Variants in CD163L1 observed in about 807,000 individuals in gnomAD.
CD163L1 encodes the protein CD163 molecule like 1.
A neutral mutation model predicts 165.4 loss-of-function variants in CD163L1; 124 were observed. The observed-to-expected ratio is 0.75, with a 90% CI of 0.65 to 0.87. CD163L1 has a LOEUF of 0.87. Among genes scored for constraint, CD163L1 ranks in the 40% least tolerant of loss-of-function variants. The pLI, the probability that CD163L1 is intolerant of heterozygous loss-of-function variation, is 0.00. For synonymous variants in CD163L1, 585 were observed against 662.2 expected (o/e 0.88, Z 1.79); for missense variants, 1,525 against 1,799.9 (o/e 0.85, Z 2.76).
intron 9 of CD163L1, 75 bp from the exon 10 acceptor site, chr12:7,376,089 AC>A: frequency 7.6e-7 from 1 of 1,317,962 alleles, no homozygotes; most frequent in Non-Finnish European, 1.0e-6. Context: ...TCCATATCTA[AC>A]CCCAGAGCAA....
intron 18 of CD163L1, among the ~76,000 whole-genome samples, chr12:7,364,477 T>C (rs1946971056): frequency 6.6e-6 from 1 of 152,104 alleles, no homozygotes. Context: ...GGCATCCTAG[T>C]TGGAAAGAAA....
chr12:7,421,039 G>GTA (rs202125840), intron 4 of CD163L1, among the ~76,000 whole-genome samples: 7 of 88,186 alleles, frequency 7.9e-5, no homozygotes, highest in African/African-American at 2.0e-4. Flanking sequence ...ATATATACGT[G>GTA]TATATATATG....
the CD163L1 span, among the ~76,000 whole-genome samples, chr12:7,319,219 A>G: frequency 6.6e-6 from 1 of 152,116 alleles, no homozygotes; most frequent in Non-Finnish European, 1.5e-5. Context: ...TGCACAGTTC[A>G]CAATAGGGTT....
chr12:7,392,285 C>T (rs1433750533), intron 8 of CD163L1, among the ~76,000 whole-genome samples: 2 of 152,182 alleles, frequency 1.3e-5, no homozygotes, highest in Non-Finnish European at 2.9e-5. Flanking sequence ...CAAAACCACA[C>T]AACTACATGG....
At position 7,398,549 on chromosome 12, in the gene CD163L1, G is replaced by C. The variant is rs751691944; in HGVS notation, c.1444C>G (p.His482Asp). 2.5e-6 allele frequency: 4 copies of C among 1,603,904 alleles called. No homozygotes were observed. In the South Asian group the frequency reaches 4.5e-5, roughly 18 times the overall value. Reference sequence around the variant, plus strand: ...TCCAATCTCCCATAACAGGGGCTATGAGCCCCGACAAGCCTTAGGTCCAGA... The same window carrying C: ...TCCAATCTCCCATAACAGGGGCTATCAGCCCCGACAAGCCTTAGGTCCAGA... ...ADLDLRLVGA[H>D]SPCYGRLEVK... The change falls in exon 7 of 20, where the codon CAT becomes GAT. Residue 482 changes from histidine (H) to aspartate (D), a missense_variant. Transcript: ENST00000313599. The surrounding 1 kb of genome is among the most constrained non-coding windows in gnomAD (Gnocchi z 4.5).
chr12:7,344,205 C>T (rs748918235), downstream of CD163L1, among the ~76,000 whole-genome samples: 17 of 152,034 alleles, frequency 1.1e-4, no homozygotes, highest in Non-Finnish European at 1.8e-4. Flanking sequence ...CTCAGCCTCC[C>T]TAGGAGCTGG....
the CD163L1 span, among the ~76,000 whole-genome samples, chr12:7,320,149 A>G: frequency 2.6e-5 from 4 of 152,338 alleles, no homozygotes; most frequent in South Asian, 8.3e-4. Context: ...GCTCTAAAAC[A>G]TTAGTATTTC....
At chr12:7,348,700 C>T (rs1320635171) in intron 4 of CD163L1, among the ~76,000 whole-genome samples, 1 of 151,862 alleles carries the variant, frequency 6.6e-6, no homozygotes, top group Non-Finnish European at 1.5e-5. Context: ...AAGTAAAATA[C>T]ATTAAGCACT....
At chr12:7,436,004 A>G (rs982576526) in intron 2 of CD163L1, among the ~76,000 whole-genome samples, 1 of 152,208 alleles carries the variant, frequency 6.6e-6, no homozygotes, top group Non-Finnish European at 1.5e-5. Flanking sequence ...ACAATACATT[A>G]TTTCTGCATC....
chr12:7,421,183 A>G (rs1350881024), intron 4 of CD163L1, among the ~76,000 whole-genome samples: 1 of 135,260 alleles, frequency 7.4e-6, no homozygotes, highest in African/African-American at 2.7e-5. Flanking sequence ...ATGTATATAT[A>G]TGTGTATATA....
intron 4 of CD163L1, among the ~76,000 whole-genome samples, chr12:7,408,478 G>A (rs186260558): frequency 1.3e-5 from 2 of 151,740 alleles, no homozygotes; most frequent in East Asian, 3.9e-4. Context: ...TATTTTTATC[G>A]ATACATATCA....
chr12:7,322,603 A>G, the CD163L1 span: 8,535 of 1,539,464 alleles, frequency 5.5e-3, 412 homozygotes, highest in African/African-American at 0.1. Flanking sequence ...AGGTTTTTCA[A>G]CTGAGCCCCT....
At chr12:7,405,746 C>T (rs1159646261) in intron 5 of CD163L1, among the ~76,000 whole-genome samples, 1 of 152,112 alleles carries the variant, frequency 6.6e-6, no homozygotes, top group African/African-American at 2.4e-5. Flanking sequence ...TAATAATTTA[C>T]GAAAGAAGCC....
intron 14 of CD163L1, among the ~76,000 whole-genome samples, chr12:7,370,369 A>G (rs547843359): frequency 1.4e-4 from 21 of 152,108 alleles, no homozygotes; most frequent in Non-Finnish European, 2.4e-4. Flanking sequence ...TGATCTTATC[A>G]TTTTTATGTT....
rs1948781850 is a variant in CD163L1, at chr12:7,439,269, T to C, written c.124+1885A>G. ...TTCTATTTTCTTTGGGATCTTCTCT[T>C]GTTTTCGTCTTTAAATCTCTTATTT... On this transcript the variant is annotated intron_variant, in intron 2 of 19. Transcript: ENST00000313599. 67 of 1,547,948 alleles carry C rather than the reference T, an allele frequency of 4.3e-5. No individual in the cohort carries two copies. The South Asian group carries it at 6.8e-4, about 16-fold the overall frequency.
chr12:7,427,929 T>C (rs1420194930), intron 4 of CD163L1, among the ~76,000 whole-genome samples: 2 of 152,154 alleles, frequency 1.3e-5, no homozygotes, highest in African/African-American at 4.8e-5. Flanking sequence ...ATGAAGAGTG[T>C]ATATTCTGAC....
In CD163L1 at chr12:7,433,642, C is replaced by T. The variant is rs1948668926; in HGVS notation, c.177G>A (p.Gly59=). The change falls in exon 3 of 20, where the codon GGG becomes GGA. Residue 59 remains glycine (G), a synonymous_variant. Transcript: ENST00000313599. The part of the protein sequence containing the change: ...RLVNGDGPCS[G]TVEVKFQGQW... ...GTCCCTGGAATTTCACCTCCACTGTCCCAGAGCAGGGACCGTCTCCATTGA... is the reference window on the plus strand; with the variant it reads ...GTCCCTGGAATTTCACCTCCACTGTTCCAGAGCAGGGACCGTCTCCATTGA... 3 of 1,614,096 alleles carry T rather than the reference C, an allele frequency of 1.9e-6. No homozygotes were observed. Among genetic ancestry groups the T allele is most frequent in the East Asian group, 2.2e-5 (1 of 44,888 alleles).
intron 8 of CD163L1, among the ~76,000 whole-genome samples, chr12:7,380,585 T>G (rs1039687836): frequency 9.9e-5 from 15 of 151,964 alleles, no homozygotes; most frequent in Admixed American, 5.2e-4. Context: ...GCTATGACGA[T>G]GCAAAGACAT....
chr12:7,440,597 T>G (rs1010413264), intron 2 of CD163L1, among the ~76,000 whole-genome samples: 3 of 151,758 alleles, frequency 2.0e-5, no homozygotes. Context: ...CAGTGAGACA[T>G]TTTACGTTTG....
Sources: allele counts gnomAD v4.1 joint callset (sites outside exome capture counted in the v4.1 genomes callset), GRCh38; gene constraint gnomAD v4.1.1; non-coding constraint Gnocchi (gnomAD v3.1); transcripts MANE v1.5; gene names NCBI Gene and HGNC (gene_info 2026-07-23, HGNC 2026-07-21).